The following ROBO1 variants were observed in gnomAD, a reference collection of about 807,000 sequenced individuals.
ROBO1 encodes roundabout homolog 1.
ROBO1 carries 149 observed loss-of-function variants against 195.9 expected under a neutral mutation model. That is an observed-to-expected ratio of 0.76 (90% CI 0.67 to 0.87). ROBO1 has a LOEUF of 0.87. Ranked by LOEUF, ROBO1 falls within the 40% of genes least tolerant of loss-of-function variation. The pLI is 0.00. For synonymous variants in ROBO1, 816 were observed against 733.2 expected, an observed-to-expected ratio of 1.11 and a Z score of -1.82; for missense variants, 1,933 against 2,068.3, an observed-to-expected ratio of 0.93 and a Z score of 1.27.
At chr3:79,585,534 G>A (rs1943800917) in intron 2 of ROBO1, among the ~76,000 whole-genome samples, 2 of 151,862 alleles carry the variant, frequency 1.3e-5, no homozygotes, top group African/African-American at 2.4e-5. Flanking sequence ...AACCAGTAGT[G>A]GCATCAAATC....
intron 30 of ROBO1, among the ~76,000 whole-genome samples, chr3:78,599,731 CA>C (rs1360347331): frequency 1.3e-5 from 2 of 152,186 alleles, no homozygotes; most frequent in Admixed American, 1.3e-4. Context: ...CTGACTATGG[CA>C]ACTTCCTCAC....
At chr3:79,516,024 T>C (rs760782280) in intron 2 of ROBO1, among the ~76,000 whole-genome samples, 39 of 152,200 alleles carry the variant, frequency 2.6e-4, no homozygotes, top group Non-Finnish European at 4.6e-4. Flanking sequence ...GTCCCACACT[T>C]GACTTTCAGT....
chr3:78,635,020 C>A (rs2107527221), intron 23 of ROBO1, among the ~76,000 whole-genome samples: 1 of 152,176 alleles, frequency 6.6e-6, no homozygotes, highest in South Asian at 2.1e-4. Context: ...CACATTAGAG[C>A]AATCCTGGTT....
At chr3:79,691,005 G>A (rs933777819) in intron 1 of ROBO1, among the ~76,000 whole-genome samples, 2 of 151,810 alleles carry the variant, frequency 1.3e-5, no homozygotes, top group African/African-American at 4.8e-5. Context: ...TAAATTTCAA[G>A]ATACATATTC....
chr3:79,284,185 TTC>T (rs1023202473), intron 2 of ROBO1, among the ~76,000 whole-genome samples: 3 of 152,028 alleles, frequency 2.0e-5, no homozygotes, highest in Non-Finnish European at 2.9e-5. Context: ...TCGATGTTCT[TTC>T]TTTTTTGATT....
At chr3:79,639,599 A>T (rs963276497) in intron 1 of ROBO1, among the ~76,000 whole-genome samples, 19 of 152,168 alleles carry the variant, frequency 1.2e-4, no homozygotes, top group African/African-American at 4.1e-4. Flanking sequence ...ATGCTGCAAG[A>T]GCACTAATTT....
At chr3:79,712,814 G>A (rs1241729513) in intron 1 of ROBO1, among the ~76,000 whole-genome samples, 13 of 152,132 alleles carry the variant, frequency 8.5e-5, no homozygotes, top group African/African-American at 2.4e-4. Flanking sequence ...AATGCTTACC[G>A]TTCCAAAAAT....
chr3:79,301,156 A>T (rs2032930342), intron 2 of ROBO1, among the ~76,000 whole-genome samples: 1 of 151,972 alleles, frequency 6.6e-6, no homozygotes, highest in African/African-American at 2.4e-5. Context: ...GAGCTTTAAC[A>T]CTCATCGCAA....
intron 21 of ROBO1, among the ~76,000 whole-genome samples, chr3:78,645,923 T>C (rs2107592577): frequency 6.6e-6 from 1 of 152,178 alleles, no homozygotes; most frequent in Non-Finnish European, 1.5e-5. Context: ...TCAGTTAAAG[T>C]CCTCCCTCTA....
chr3:78,786,513 TC>T (rs2083839611), intron 4 of ROBO1, among the ~76,000 whole-genome samples: 1 of 152,184 alleles, frequency 6.6e-6, no homozygotes, highest in African/African-American at 2.4e-5. Flanking sequence ...TTTTGCTGTG[TC>T]CCCACCCCAA....
At chr3:79,471,459 T>G (rs995128917) in intron 2 of ROBO1, among the ~76,000 whole-genome samples, 14 of 152,144 alleles carry the variant, frequency 9.2e-5, no homozygotes, top group Admixed American at 9.2e-4. Context: ...ATGAATTCAT[T>G]GATTTAATAA....
chr3:79,099,176 C>A (rs778102810), intron 3 of ROBO1, among the ~76,000 whole-genome samples: 1 of 151,684 alleles, frequency 6.6e-6, no homozygotes, highest in Non-Finnish European at 1.5e-5. Context: ...CATACTTTTT[C>A]TGCCTCTAGA....
At chr3:79,700,221 T>G (rs960019784) in intron 1 of ROBO1, among the ~76,000 whole-genome samples, 1 of 151,698 alleles carries the variant, frequency 6.6e-6, no homozygotes, top group Non-Finnish European at 1.5e-5. Flanking sequence ...CTTTATTCAA[T>G]CCACCAGTGA....
intron 10 of ROBO1, among the ~76,000 whole-genome samples, chr3:78,678,025 C>A (rs1355368934): frequency 1.3e-5 from 2 of 152,228 alleles, no homozygotes; most frequent in South Asian, 4.1e-4. Context: ...GAAACTCACT[C>A]AAAACCGCTC....
intron 4 of ROBO1, among the ~76,000 whole-genome samples, chr3:78,877,059 G>A (rs557768777): frequency 6.6e-5 from 10 of 152,100 alleles, no homozygotes; most frequent in Non-Finnish European, 7.4e-5. Flanking sequence ...TAGATCCAGC[G>A]ACCTACAACA....
chr3:79,345,047 C>A (rs2035058736), intron 2 of ROBO1, among the ~76,000 whole-genome samples: 1 of 152,132 alleles, frequency 6.6e-6, no homozygotes, highest in African/African-American at 2.4e-5. Context: ...TTAGAAACTA[C>A]ACAGTCTCAG....
chr3:79,378,342 C>T (rs1417588094), intron 2 of ROBO1, among the ~76,000 whole-genome samples: 1 of 152,030 alleles, frequency 6.6e-6, no homozygotes, highest in Non-Finnish European at 1.5e-5. Context: ...TCTCCCTGTC[C>T]CCCATGCTGT....
chr3:79,247,712 C>T (rs1420752681), intron 2 of ROBO1, among the ~76,000 whole-genome samples: 2 of 152,078 alleles, frequency 1.3e-5, no homozygotes, highest in African/African-American at 4.8e-5. Flanking sequence ...CTACAACGCT[C>T]ACAGGCACTT....
chr3:79,324,757 G>A (rs1337546884), intron 2 of ROBO1, among the ~76,000 whole-genome samples: 1 of 152,180 alleles, frequency 6.6e-6, no homozygotes, highest in East Asian at 1.9e-4. Flanking sequence ...ACACATTGTA[G>A]CCCAAGTGAA....
Sources: allele counts gnomAD v4.1 joint callset (sites outside exome capture counted in the v4.1 genomes callset), GRCh38; gene constraint gnomAD v4.1.1; transcripts MANE v1.5; gene names NCBI Gene and HGNC (gene_info 2026-07-23, HGNC 2026-07-21).